The following ACAD11 variants were observed in gnomAD, a reference collection of about 807,000 sequenced individuals.
ACAD11 encodes the protein acyl-CoA dehydrogenase family member 11, also known as acyl-Coenzyme A dehydrogenase family, member 11.
A neutral mutation model predicts 102.2 loss-of-function variants in ACAD11; 83 were observed. The observed-to-expected ratio is 0.81, with a 90% CI of 0.68 to 0.97. The LOEUF is 0.97. Ranked by LOEUF, ACAD11 falls within the 50% of genes least tolerant of loss-of-function variation. ACAD11 has a pLI of 0.00. For synonymous variants in ACAD11, 324 were observed against 319.8 expected (o/e 1.01, Z -0.14); for missense variants, 901 against 951.7 (o/e 0.95, Z 0.70).
chr3:132,655,112 G>A (rs377564948), intron 1 of ACAD11, among the ~76,000 whole-genome samples: 2 of 152,108 alleles, frequency 1.3e-5, no homozygotes, highest in Admixed American at 6.5e-5. Context: ...TATGCAGCCC[G>A]TCATTGACCA....
intron 11 of ACAD11, 197 bp downstream of exon 11, chr3:132,618,437 G>C (rs1939493132): frequency 1.9e-6 from 1 of 533,090 alleles, no homozygotes; most frequent in Non-Finnish European, 3.1e-6. Flanking sequence ...TAATTGTAAT[G>C]ATATTTAACA....
intron 9 of ACAD11, among the ~76,000 whole-genome samples, chr3:132,622,991 T>C (rs1002522019): frequency 3.3e-5 from 5 of 152,264 alleles, no homozygotes; most frequent in Admixed American, 1.3e-4. Context: ...CTGTGTTATG[T>C]TGCTAGTTCC....
chr3:132,600,410 C>G (rs1191307286), intron 13 of ACAD11: 5 of 1,590,372 alleles, frequency 3.1e-6, no homozygotes. Flanking sequence ...GGCTTTGGAA[C>G]AGAACCAGTC....
chr3:132,639,418 TG>T (rs200911719), intron 5 of ACAD11, 73 bp downstream of exon 5: 11 of 1,431,638 alleles, frequency 7.7e-6, no homozygotes, highest in Non-Finnish European at 9.5e-6. Flanking sequence ...CTCAGTGCTC[TG>T]GGGGGAGCAT....
chr3:132,559,511 G>A (rs760005740), intron 19 of ACAD11, among the ~76,000 whole-genome samples: 1 of 152,018 alleles, frequency 6.6e-6, no homozygotes, highest in Non-Finnish European at 1.5e-5. Flanking sequence ...GTTCCTTTCT[G>A]CCTCCCAGTC....
Position 132,560,637 on chromosome 3 carries a change from C to A in ACAD11, c.2118+464G>T, listed in dbSNP as rs562922883. Among the ~76,000 whole-genome samples, 4 of 152,144 alleles carry A rather than the reference C, an allele frequency of 2.6e-5. No homozygotes were observed. In the East Asian group the frequency reaches 7.7e-4, roughly 29 times the overall value. ...GCCCAGGCTGGTCTCGAATCCCTGG[C>A]CTCAAACAATTCTCCCACCTCCACT... is the stretch of plus-strand genomic sequence containing the variant. On this transcript the variant is annotated intron_variant, in intron 18 of 19. Coordinates refer to ENST00000264990, the MANE Select transcript of ACAD11 (RefSeq NM_032169.5).
At position 132,605,826 on chromosome 3, in the gene ACAD11, A is replaced by T. The variant is rs549670084; in HGVS notation, c.1415-621T>A. On this transcript the variant is annotated intron_variant, in intron 11 of 19. Coordinates refer to ENST00000264990, the MANE Select transcript of ACAD11 (RefSeq NM_032169.5). ...ACAATTATTTCTATTTACCTCTAAC[A>T]TTGCTCTTACTTTTATGTACCCCAT... Among the ~76,000 whole-genome samples the T allele has an allele frequency of 2.8e-4, 42 of 152,248 alleles. 1 individual carries two copies. The South Asian group carries it at 8.1e-3, about 29-fold the overall frequency.
intron 17 of ACAD11, among the ~76,000 whole-genome samples, chr3:132,565,847 G>A (rs1317686337): frequency 6.6e-6 from 1 of 152,116 alleles, no homozygotes; most frequent in African/African-American, 2.4e-5. Context: ...CACTATGATT[G>A]TAAGCTTCCT....
intron 13 of ACAD11, among the ~76,000 whole-genome samples, chr3:132,599,275 A>C (rs532054431): frequency 2.6e-5 from 4 of 152,194 alleles, no homozygotes; most frequent in Non-Finnish European, 5.9e-5. Flanking sequence ...TGGGAGGCCG[A>C]GGCAGGTGGA....
chr3:132,582,130 G>T (rs772121811), intron 13 of ACAD11, among the ~76,000 whole-genome samples: 20 of 151,606 alleles, frequency 1.3e-4, no homozygotes, highest in Non-Finnish European at 2.4e-4. Context: ...ATTATTTGAG[G>T]TTTAAAAAAT....
Position 132,578,843 on chromosome 3 carries a change from G to T in ACAD11, c.1727C>A (p.Thr576Lys), listed in dbSNP as rs56146221. The T allele has an allele frequency of 6.2e-6, 10 of 1,612,978 alleles. No individual in the cohort carries two copies. The African/African-American group carries it at 1.3e-4, about 22-fold the overall frequency. The change falls in exon 15 of 20, where the codon ACA (threonine) becomes AAA (lysine). Residue 576 changes from threonine (T) to lysine (K), a missense_variant. Transcript: ENST00000264990. The part of the protein sequence containing the change: ...QHSMILVPMN[T>K]PGVKIIRPLS... ...AGGCCTTATTATTTTTACTCCAGGT[G>T]TGTTCATGGGAACAAGAATCATGCT...
At chr3:132,572,839 G>A (rs1320212424) in intron 17 of ACAD11, among the ~76,000 whole-genome samples, 1 of 152,216 alleles carries the variant, frequency 6.6e-6, no homozygotes, top group Non-Finnish European at 1.5e-5. Context: ...CTAGCCATCT[G>A]CAGGGGATTG....
intron 17 of ACAD11, among the ~76,000 whole-genome samples, chr3:132,568,910 A>G (rs1308568328): frequency 1.3e-5 from 2 of 152,124 alleles, no homozygotes; most frequent in East Asian, 1.9e-4. Context: ...TTAGTGACAC[A>G]TTATGGGAGA....
At chr3:132,567,266 C>T (rs181817314) in intron 17 of ACAD11, among the ~76,000 whole-genome samples, 1 of 152,184 alleles carries the variant, frequency 6.6e-6, no homozygotes, top group Non-Finnish European at 1.5e-5. Flanking sequence ...GTGTGAACTA[C>T]TGCGCCAGGC....
chr3:132,603,464 C>T lies in ACAD11; in HGVS notation c.1523-137G>A, dbSNP rs111798373. The T allele has an allele frequency of 4.9e-5, 33 of 677,584 alleles. No homozygotes were observed. The Middle Eastern group carries it at 1.7e-3, about 35-fold the overall frequency. 42.0% of individuals were successfully genotyped at this position (677,584 alleles called of 1,614,324 possible). A position where few individuals can be genotyped will look rare whatever the true frequency, so the allele number is the denominator to read the frequency against. On this transcript the variant is annotated intron_variant, in intron 12 of 19. Transcript: ENST00000264990. The stretch of plus-strand genomic sequence containing the variant: ...TCACTCCCCATTCCACCCTGCTTTT[C>T]CCATAACCTACACACAGTATTCAAT...
intron 3 of ACAD11, 95 bp downstream of exon 3, chr3:132,642,582 A>G (rs1466387310): frequency 1.5e-6 from 2 of 1,315,716 alleles, no homozygotes; most frequent in African/African-American, 3.0e-5. Flanking sequence ...GTTAAATAAC[A>G]AACTATATCA....
In ACAD11 at chr3:132,652,191, C is replaced by A. The variant is rs550355099; in HGVS notation, c.150-7295G>T. ...GGCAGTGGGTCTTTCCTGTGCTGTTCTCATGATGGTGAATAAGTCTCATGA... is the reference window on the plus strand; with the variant it reads ...GGCAGTGGGTCTTTCCTGTGCTGTTATCATGATGGTGAATAAGTCTCATGA... On this transcript the variant is annotated intron_variant, in intron 1 of 19. Coordinates refer to ENST00000264990, the MANE Select transcript of ACAD11 (RefSeq NM_032169.5). Among the ~76,000 whole-genome samples, 7 of 152,198 alleles carry A rather than the reference C, an allele frequency of 4.6e-5. No homozygotes were observed. The South Asian group carries it at 1.5e-3, about 32-fold the overall frequency.
intron 5 of ACAD11, among the ~76,000 whole-genome samples, chr3:132,635,844 GTTATA>G (rs1940254729): frequency 6.6e-6 from 1 of 151,660 alleles, no homozygotes; most frequent in Non-Finnish European, 1.5e-5. Flanking sequence ...TTTTATTGTG[GTTATA>G]TTATACTATA....
At chr3:132,588,192 G>GGTATGTATGTATGTATGTATGTAT (rs3045373) in intron 13 of ACAD11, among the ~76,000 whole-genome samples, 9 of 150,684 alleles carry the variant, frequency 6.0e-5, no homozygotes, top group African/African-American at 2.2e-4. Context: ...CAGGCAGGCA[G>GGTATGTATGTATGTATGTATGTAT]GTATGTATGT....
Sources: gnomAD v4.1 joint callset for allele counts (sites outside exome capture counted in the v4.1 genomes callset) on GRCh38, gnomAD v4.1.1 for gene constraint, MANE v1.5 for transcripts, NCBI Gene and HGNC (gene_info 2026-07-23, HGNC 2026-07-21) for gene names.